The following TSPAN14 variants were observed in gnomAD, a reference collection of about 807,000 sequenced individuals.
The protein encoded by TSPAN14 is tetraspanin 14, also known as tetraspanin-14.
A neutral mutation model predicts 36.6 loss-of-function variants in TSPAN14; 16 were observed. The observed-to-expected ratio is 0.44, with a 90% confidence interval of 0.30 to 0.66. The LOEUF (loss-of-function observed/expected upper bound fraction) is 0.66. Among genes scored for constraint, TSPAN14 ranks in the 30% least tolerant of loss-of-function variants. The pLI is 0.12. For synonymous variants in TSPAN14, 139 were observed against 143.8 expected, an observed-to-expected ratio of 0.97 and a Z score of 0.24; for missense variants, 231 against 355.1, an observed-to-expected ratio of 0.65 and a Z score of 2.81.
At chr10:80,516,066 G>A (rs1426144793) in intron 7 of TSPAN14, 138 bp from the exon 8 acceptor site, 9 of 1,333,292 alleles carry the variant, frequency 6.8e-6, no homozygotes, top group Non-Finnish European at 9.3e-6. Flanking sequence ...AGCATCTCCT[G>A]GAGAGTCCTC....
At chr10:80,489,668 C>T (rs1031006538) in intron 2 of TSPAN14, among the ~76,000 whole-genome samples, 1 of 152,332 alleles carries the variant, frequency 6.6e-6, no homozygotes, top group East Asian at 1.9e-4. Flanking sequence ...TGACTATGGG[C>T]CAGGCCCTGT....
intron 8 of TSPAN14, among the ~76,000 whole-genome samples, chr10:80,516,801 A>G (rs1450598648): frequency 6.6e-6 from 1 of 152,158 alleles, no homozygotes; most frequent in African/African-American, 2.4e-5. Context: ...CCTGGGCTGG[A>G]GTTGTCAGGT....
intron 1 of TSPAN14, among the ~76,000 whole-genome samples, chr10:80,464,719 G>T (rs1282796087): frequency 6.6e-6 from 1 of 152,190 alleles, no homozygotes; most frequent in Non-Finnish European, 1.5e-5. Flanking sequence ...CTGGGTCCTT[G>T]GTAGCACAGA....
chr10:80,510,099 AC>A (rs1250927345), intron 5 of TSPAN14, among the ~76,000 whole-genome samples: 2 of 152,104 alleles, frequency 1.3e-5, no homozygotes, highest in African/African-American at 4.8e-5. Flanking sequence ...GGACGCTTGG[AC>A]CATAGCTGTC....
chr10:80,468,984 T>C (rs573951510), intron 1 of TSPAN14, among the ~76,000 whole-genome samples: 86 of 152,326 alleles, frequency 5.6e-4, no homozygotes, highest in South Asian at 8.3e-4. Flanking sequence ...TGTTTAAAGT[T>C]GTCGACTTTA....
chr10:80,489,402 C>G, intron 2 of TSPAN14, 88 bp downstream of exon 2: 2 of 942,882 alleles, frequency 2.1e-6, no homozygotes, highest in Non-Finnish European at 3.3e-6. Flanking sequence ...TTGCCAGACA[C>G]TATGTAAGGC....
rs1207732847 is a variant in TSPAN14, at chr10:80,509,432, T to C, written c.411T>C (p.Asp137=). 1 of 1,614,120 alleles carries C rather than the reference T, an allele frequency of 6.2e-7. No individual in the cohort carries two copies. The highest frequency in any genetic ancestry group is 2.2e-5 in the East Asian group (1 of 44,874). Residue 137 remains aspartate (D), a synonymous_variant, in exon 5 of 9, where the codon GAT becomes GAC. Transcript: ENST00000429989. The surrounding 1 kb of genome is among the most constrained non-coding windows in gnomAD (Gnocchi z 4.7). ...GCAACATCAAGTCCTACCGGGACGA[T>C]ATCGATCTGCAAAACCTCATCGACT...
intron 2 of TSPAN14, among the ~76,000 whole-genome samples, chr10:80,499,657 C>A (rs1848387164): frequency 6.6e-6 from 1 of 152,170 alleles, no homozygotes; most frequent in Admixed American, 6.5e-5. Flanking sequence ...GGCAAAGGAC[C>A]AAATTGCTCT....
intron 1 of TSPAN14, among the ~76,000 whole-genome samples, chr10:80,459,793 C>T (rs1027096130): frequency 2.0e-5 from 3 of 152,152 alleles, no homozygotes; most frequent in Non-Finnish European, 2.9e-5. Context: ...GTTTGTACCC[C>T]GAGGTCTGAG....
At chr10:80,517,651 G>C (rs76542243) in intron 8 of TSPAN14, among the ~76,000 whole-genome samples, 2,322 of 152,336 alleles carry the variant, frequency 0.015, 87 homozygotes, top group East Asian at 0.13. Context: ...CAGAGTGTCT[G>C]TTTTGCTTGT....
chr10:80,467,947 C>T (rs548103513), intron 1 of TSPAN14, among the ~76,000 whole-genome samples: 5 of 152,272 alleles, frequency 3.3e-5, no homozygotes, highest in South Asian at 2.1e-4. Context: ...TTAATTTTAC[C>T]TCTTGCCAAA....
chr10:80,471,564 T>C (rs1449777863), intron 1 of TSPAN14, among the ~76,000 whole-genome samples: 2 of 152,188 alleles, frequency 1.3e-5, no homozygotes, highest in African/African-American at 4.8e-5. Context: ...TAGACTTAGA[T>C]TTTCAGAAAC....
At chr10:80,484,725 C>T (rs1324723952) in intron 1 of TSPAN14, among the ~76,000 whole-genome samples, 1 of 151,980 alleles carries the variant, frequency 6.6e-6, no homozygotes, top group African/African-American at 2.4e-5. Flanking sequence ...TTTAATGTTA[C>T]TTTTATTCAT....
chr10:80,508,154 T>C (rs1840401587), intron 4 of TSPAN14, among the ~76,000 whole-genome samples: 1 of 151,502 alleles, frequency 6.6e-6, no homozygotes, highest in Admixed American at 6.6e-5. Flanking sequence ...CTCGCTCTGT[T>C]GCCCAGGCTG....
intron 6 of TSPAN14, among the ~76,000 whole-genome samples, chr10:80,512,714 G>T (rs2132060564): frequency 6.6e-6 from 1 of 152,216 alleles, no homozygotes; most frequent in East Asian, 1.9e-4. Context: ...TTATTTTTGA[G>T]ACAGGGTCTT....
intron 1 of TSPAN14, among the ~76,000 whole-genome samples, chr10:80,473,953 C>T (rs537057379): frequency 6.6e-6 from 1 of 152,212 alleles, no homozygotes. Flanking sequence ...TAGTGATTCT[C>T]TCTCCTACTG....
intron 1 of TSPAN14, among the ~76,000 whole-genome samples, chr10:80,456,471 C>T (rs1477686919): frequency 7.2e-5 from 11 of 152,126 alleles, no homozygotes; most frequent in Admixed American, 6.5e-4. Context: ...AAGGTTGTGG[C>T]GGCAGTGAAG....
chr10:80,461,136 C>T (rs997178870), intron 1 of TSPAN14, among the ~76,000 whole-genome samples: 1 of 152,106 alleles, frequency 6.6e-6, no homozygotes, highest in Non-Finnish European at 1.5e-5. Context: ...CTCTCTGGCC[C>T]TCCTGTCTAC....
chr10:80,461,944 C>T (rs1845994204), intron 1 of TSPAN14, among the ~76,000 whole-genome samples: 1 of 151,144 alleles, frequency 6.6e-6, no homozygotes, highest in Admixed American at 6.6e-5. Context: ...GACAGGGTCT[C>T]ACTCTGTTGC....
Sources: allele counts gnomAD v4.1 joint callset (sites outside exome capture counted in the v4.1 genomes callset), GRCh38; gene constraint gnomAD v4.1.1; non-coding constraint Gnocchi (gnomAD v3.1); transcripts MANE v1.5; gene names NCBI Gene and HGNC (gene_info 2026-07-23, HGNC 2026-07-21).